Variants in TLR5 observed in about 807,000 individuals in gnomAD.
The protein encoded by TLR5 is toll like receptor 5, also known as toll-like receptor 5.
For missense variants in TLR5, 944 were observed against 999.8 expected (o/e 0.94, Z 0.75); for synonymous variants, 373 against 384.4 (o/e 0.97, Z 0.35).
chr1:223,113,032 G>C lies in TLR5; in HGVS notation c.-1C>G, dbSNP rs770999780. 5 of 1,614,010 alleles carry C rather than the reference G, an allele frequency of 3.1e-6. No individual in the cohort carries two copies. The highest frequency in any genetic ancestry group is 1.3e-5 in the African/African-American group (1 of 74,910). On this transcript the variant is annotated 5_prime_UTR_variant, in exon 6 of 6. In the 5' UTR this introduces an upstream ATG that the reference lacks. Coordinates refer to ENST00000642603, the MANE Select transcript of TLR5 (RefSeq NM_003268.6). Reference sequence around the variant, plus strand: ...GGAGAAGGTCCAGGTGGTCTCCCATGATCCTATGGAGAAGAAGGGAGAATG... The same window carrying C: ...GGAGAAGGTCCAGGTGGTCTCCCATCATCCTATGGAGAAGAAGGGAGAATG...
intron 5 of TLR5, among the ~76,000 whole-genome samples, chr1:223,121,712 G>A (rs1656963041): frequency 6.6e-6 from 1 of 152,114 alleles, no homozygotes. Context: ...TAGAGACAGG[G>A]TTTTGCCATA....
chr1:223,126,160 T>C (rs1370447304), intron 5 of TLR5, among the ~76,000 whole-genome samples: 1 of 152,186 alleles, frequency 6.6e-6, no homozygotes, highest in Non-Finnish European at 1.5e-5. Flanking sequence ...TAATGGGATA[T>C]TTTTCGGCCT....
chr1:223,125,335 C>T lies in TLR5; in HGVS notation c.-5+7140G>A, dbSNP rs547066008. ...CTATATAAGATTCTACCCCCTGCAC[C>T]TGCAAGGCTGAGTATGGAGAACCCG... On this transcript the variant is annotated intron_variant, in intron 5 of 5. Coordinates refer to ENST00000642603, the MANE Select transcript of TLR5 (RefSeq NM_003268.6). Among the ~76,000 whole-genome samples, 30 of 152,278 alleles carry T rather than the reference C, an allele frequency of 2.0e-4. No homozygotes were observed. The South Asian group carries it at 4.4e-3, about 22-fold the overall frequency.
rs1372643483 is a variant in TLR5 at position 223,111,349 on chromosome 1, T to C, written c.1683A>G (p.Leu561=). 1 of 1,614,204 alleles carries C rather than the reference T, an allele frequency of 6.2e-7. No individual in the cohort carries two copies. The highest frequency in any genetic ancestry group is 1.7e-5 in the Admixed American group (1 of 60,028). Residue 561 remains leucine, a synonymous_variant, in exon 6 of 6, where the codon CTA becomes CTG. Transcript: ENST00000642603. ...ATACAAATACATCAGGATTAGGAGC[T>C]AGGAGCTGGTTCCTGGATATGTCCA... ...EILDISRNQL[L]APNPDVFVSL...
intron 5 of TLR5, among the ~76,000 whole-genome samples, chr1:223,122,332 C>G (rs1220533672): frequency 6.6e-6 from 1 of 152,162 alleles, no homozygotes; most frequent in African/African-American, 2.4e-5. Context: ...AAATCCAGCT[C>G]CAGGGTTCCT....
At chr1:223,137,318 A>T (rs1315088673) in intron 2 of TLR5, 55 bp from the exon 3 acceptor site, 1 of 152,232 alleles carries the variant, frequency 6.6e-6, no homozygotes, top group East Asian at 1.9e-4. Flanking sequence ...GTTTAAGTAC[A>T]TGGACCCTGA....
At chr1:223,113,273 AC>A (rs1656464026) in intron 5 of TLR5, among the ~76,000 whole-genome samples, 1 of 151,946 alleles carries the variant, frequency 6.6e-6, no homozygotes, top group Admixed American at 6.6e-5. Context: ...TGGCATGATC[AC>A]AGCTCACTGC....
intron 5 of TLR5, among the ~76,000 whole-genome samples, chr1:223,118,648 C>G (rs757364754): frequency 5.3e-5 from 8 of 152,150 alleles, no homozygotes; most frequent in Non-Finnish European, 7.3e-5. Context: ...CTCCAGGTAG[C>G]AGGCTACAGA....
At chr1:223,116,541 A>T (rs965483824) in intron 5 of TLR5, among the ~76,000 whole-genome samples, 3 of 152,184 alleles carry the variant, frequency 2.0e-5, no homozygotes, top group Admixed American at 1.3e-4. Flanking sequence ...AGCGGCAGCA[A>T]GATTTACTGC....
intron 1 of TLR5, among the ~76,000 whole-genome samples, chr1:223,142,887 C>G (rs1657939971): frequency 1.3e-5 from 2 of 152,150 alleles, no homozygotes. Context: ...CGCTCTGTTT[C>G]AAAGCGAGGA....
At chr1:223,132,269 A>G (rs547359802) in intron 5 of TLR5, among the ~76,000 whole-genome samples, 2 of 152,142 alleles carry the variant, frequency 1.3e-5, no homozygotes, top group Non-Finnish European at 2.9e-5. Context: ...AGGCTGAGGC[A>G]GGAGGATCAT....
intron 5 of TLR5, among the ~76,000 whole-genome samples, chr1:223,120,008 A>AAAAT: frequency 6.9e-6 from 1 of 144,954 alleles, no homozygotes; most frequent in African/African-American, 2.6e-5. Flanking sequence ...AAAATAAAAT[A>AAAAT]AAATAAAATA....
At chr1:223,127,648 T>G (rs541751074) in intron 5 of TLR5, 2 of 152,348 alleles carry the variant, frequency 1.3e-5, no homozygotes, top group Admixed American at 6.5e-5. Context: ...GCCATTAACC[T>G]CAGCACTTGC....
intron 5 of TLR5, among the ~76,000 whole-genome samples, chr1:223,113,992 C>G (rs1195959181): frequency 6.6e-6 from 1 of 152,196 alleles, no homozygotes; most frequent in Non-Finnish European, 1.5e-5. Context: ...ATTTATCCGA[C>G]CTTACTCCAC....
At chr1:223,141,870 G>A (rs889270283) in intron 1 of TLR5, 107 bp from the exon 2 acceptor site, 15 of 148,694 alleles carry the variant, frequency 1.0e-4, no homozygotes, top group African/African-American at 3.5e-4. Context: ...GAGAGAGAGA[G>A]AGATTATTTT....
chr1:223,117,843 G>C (rs966087128), intron 5 of TLR5, among the ~76,000 whole-genome samples: 2 of 152,208 alleles, frequency 1.3e-5, no homozygotes, highest in African/African-American at 4.8e-5. Context: ...TCAATGAAAA[G>C]AGCCAAACTG....
intron 5 of TLR5, among the ~76,000 whole-genome samples, chr1:223,117,579 A>AG (rs1219863123): frequency 7.9e-6 from 1 of 126,416 alleles, no homozygotes; most frequent in Non-Finnish European, 1.7e-5. Context: ...AAAAAAAAAA[A>AG]AAAAGAAAAG....
chr1:223,113,913 C>T (rs1021852131), intron 5 of TLR5, among the ~76,000 whole-genome samples: 16 of 152,176 alleles, frequency 1.1e-4, no homozygotes, highest in South Asian at 1.0e-3. Context: ...ACAGAAAGCT[C>T]GGCTGATGAG....
At chr1:223,121,157 T>C (rs1656936122) in intron 5 of TLR5, among the ~76,000 whole-genome samples, 1 of 152,240 alleles carries the variant, frequency 6.6e-6, no homozygotes, top group African/African-American at 2.4e-5. Flanking sequence ...TCTTTATAAG[T>C]AGGTGTGAGT....
Sources: gnomAD v4.1 joint callset for allele counts (sites outside exome capture counted in the v4.1 genomes callset) on GRCh38, gnomAD v4.1.1 for gene constraint, MANE v1.5 for transcripts, NCBI Gene and HGNC (gene_info 2026-07-23, HGNC 2026-07-21) for gene names.